MTMR1: variants seen among roughly 807,000 people sequenced by gnomAD.
MTMR1 encodes phosphatidylinositol-3-phosphate phosphatase MTMR1.
In MTMR1, 17 loss-of-function variants were observed where a neutral mutation model predicts 51.6. The observed-to-expected ratio is 0.33, with a 90% confidence interval of 0.23 to 0.49. MTMR1 has a LOEUF of 0.49. Among genes scored for constraint, MTMR1 ranks in the 20% least tolerant of loss-of-function variants. MTMR1 has a pLI of 0.99. For missense variants in MTMR1, 386 were observed against 526.9 expected (o/e 0.73, Z 2.62); for synonymous variants, 201 against 205.6 (o/e 0.98, Z 0.19).
At position 150,731,595 on chromosome X, in the gene MTMR1, T is replaced by C. The variant is rs782638619; in HGVS notation, c.867T>C (p.Ala289=). Residue 289 remains alanine, a synonymous_variant, in exon 9 of 16, where the codon GCT becomes GCC. Transcript: ENST00000445323. ...ATGATGACCTTTCAAAAGTGGCAGC[T>C]TTTCGAGCAAAAGGCAGAGTCCCTG... ...VKDDDLSKVA[A]FRAKGRVPVL... is the part of the protein sequence containing the mutation. 1.6e-5 allele frequency: 19 copies of C among 1,203,584 alleles called. No individual in the cohort carries two copies. Among genetic ancestry groups the C allele is most frequent in the Non-Finnish European group, 2.0e-5 (18 of 891,821 alleles).
chrX:150,725,875 C>T (rs1197962635), intron 4 of MTMR1, among the ~76,000 whole-genome samples: 1 of 112,013 alleles, frequency 8.9e-6, no homozygotes, highest in African/African-American at 3.3e-5. Flanking sequence ...GGCATACTAA[C>T]CTCTAACAAC....
intron 2 of MTMR1, among the ~76,000 whole-genome samples, chrX:150,709,083 T>C (rs1306672420): frequency 2.7e-5 from 3 of 112,311 alleles, no homozygotes; most frequent in Non-Finnish European, 5.6e-5. Flanking sequence ...ACTCCCCTCA[T>C]TTTATGTGTC....
intron 4 of MTMR1, among the ~76,000 whole-genome samples, chrX:150,720,414 A>G (rs1557416554): frequency 8.9e-6 from 1 of 112,480 alleles, no homozygotes; most frequent in Non-Finnish European, 1.9e-5. Context: ...AGCTTCTTCA[A>G]ATCAAATAAT....
chrX:150,741,164 A>T (rs2042413940), intron 12 of MTMR1, among the ~76,000 whole-genome samples: 1 of 112,067 alleles, frequency 8.9e-6, no homozygotes, highest in Non-Finnish European at 1.9e-5. Flanking sequence ...CCACAGTGTG[A>T]GTCCCTCAGC....
chrX:150,710,256 G>A (rs1439385766), intron 2 of MTMR1, among the ~76,000 whole-genome samples: 1 of 112,168 alleles, frequency 8.9e-6, no homozygotes, highest in African/African-American at 3.2e-5. Flanking sequence ...TTAACTGCTT[G>A]CTCTGCCACC....
chrX:150,748,181 A>G (rs914254922), intron 13 of MTMR1, among the ~76,000 whole-genome samples: 24 of 111,707 alleles, frequency 2.1e-4, no homozygotes, highest in Non-Finnish European at 4.1e-4. Context: ...CAAAGGCCCC[A>G]CTTCCTCATA....
At chrX:150,736,318 G>T in intron 10 of MTMR1, 1 of 245,379 alleles carries the variant, frequency 4.1e-6, no homozygotes, top group Non-Finnish European at 7.3e-6. Flanking sequence ...AGCCAAGGAA[G>T]GATCCTCCCC....
chrX:150,698,680 G>GCACACACA (rs1214335904), intron 1 of MTMR1, among the ~76,000 whole-genome samples: 675 of 62,932 alleles, frequency 0.011, 1 homozygote, highest in East Asian at 0.028. Context: ...ACACGCGCGC[G>GCACACACA]CACACACACA....
intron 6 of MTMR1, among the ~76,000 whole-genome samples, chrX:150,728,305 A>G (rs1245511596): frequency 8.9e-6 from 1 of 112,431 alleles, no homozygotes; most frequent in African/African-American, 3.2e-5. Context: ...CGAATCCTCC[A>G]ATGTGGAACC....
At chrX:150,699,852 A>G (rs1282221175) in intron 2 of MTMR1, among the ~76,000 whole-genome samples, 1 of 112,372 alleles carries the variant, frequency 8.9e-6, no homozygotes, top group African/African-American at 3.2e-5. Context: ...CCTTGTCAGC[A>G]GAGACTAGGG....
chrX:150,755,826 A>G lies in MTMR1; in HGVS notation c.1818A>G (p.Val606=), dbSNP rs2042890391. 1 of 1,204,817 alleles carries G rather than the reference A, an allele frequency of 8.3e-7. No individual in the cohort carries two copies. Among genetic ancestry groups the G allele is most frequent in the Non-Finnish European group, 1.1e-6 (1 of 893,264 alleles). The change falls in exon 15 of 16, where the codon GTA becomes GTG. Residue 606 remains valine (V), a synonymous_variant. Transcript: ENST00000445323. ...VASLSHLELW[V]NYYVRWNPRM... ...GTCTGAGTCATTTGGAATTGTGGGT[A>G]AATTATTATGTACGATGGAATCCAC...
chrX:150,703,201 A>C (rs193071465), intron 2 of MTMR1, among the ~76,000 whole-genome samples: 2 of 112,351 alleles, frequency 1.8e-5, no homozygotes, highest in Non-Finnish European at 3.8e-5. Flanking sequence ...GGAAAGTAGG[A>C]CTAGGTTATG....
intron 5 of MTMR1, 34 bp from the exon 6 acceptor site, chrX:150,727,650 A>G (rs1557416823): frequency 1.9e-6 from 2 of 1,035,527 alleles, no homozygotes. Context: ...GTTGACTGAC[A>G]CTAATAGGCA....
At chrX:150,751,723 T>C (rs782529722) in intron 14 of MTMR1, among the ~76,000 whole-genome samples, 4 of 109,577 alleles carry the variant, frequency 3.7e-5, no homozygotes, top group African/African-American at 6.6e-5. Flanking sequence ...CTCAGGGACC[T>C]AAATGCCTTT....
chrX:150,744,431 G>T lies in MTMR1; in HGVS notation c.1544G>T (p.Cys515Phe). 8.3e-7 allele frequency: 1 copy of T among 1,210,234 alleles called. No individual in the cohort carries two copies. Among genetic ancestry groups the T allele is most frequent in the East Asian group, 3.0e-5 (1 of 33,836 alleles). ...RSPIFLQFVD[C>F]VWQMTRQFPS... ...CCCATATTTCTGCAGTTTGTTGATT[G>T]TGTTTGGCAAATGACAAGGCAGGTG... is the stretch of plus-strand genomic sequence containing the variant. Residue 515 changes from cysteine to phenylalanine, a missense_variant, in exon 13 of 16, where the codon TGT (cysteine) becomes TTT (phenylalanine). Coordinates refer to ENST00000445323, the MANE Select transcript of MTMR1 (RefSeq NM_001306144.3).
In MTMR1 at chrX:150,750,601, A is replaced by T. The variant is rs2042699419; in HGVS notation, c.1567-129A>T. 2.1e-5 allele frequency: 9 copies of T among 436,412 alleles called. No individual in the cohort carries two copies. In the South Asian group the frequency reaches 3.5e-4, roughly 17 times the overall value. 36.0% of individuals were successfully genotyped at this position (436,412 alleles called of 1,213,427 possible). A position where few individuals can be genotyped will look rare whatever the true frequency, so the allele number is the denominator to read the frequency against. On this transcript the variant is annotated intron_variant, in intron 13 of 15. Coordinates refer to ENST00000445323, the MANE Select transcript of MTMR1 (RefSeq NM_001306144.3). ...AAAACTGTAGGTAGTTGAACTTTAC[A>T]TGGGCTCAGTCTTCCTTTAAATCTT... is the stretch of plus-strand genomic sequence containing the variant.
chrX:150,700,129 G>A (rs947346868), intron 2 of MTMR1, among the ~76,000 whole-genome samples: 1 of 112,343 alleles, frequency 8.9e-6, no homozygotes, highest in African/African-American at 3.2e-5. Context: ...TTTCACAAGT[G>A]TGTGTAAAAT....
At chrX:150,693,875 A>C (rs1253550174) in intron 1 of MTMR1, among the ~76,000 whole-genome samples, 199 bp downstream of exon 1, 3 of 102,767 alleles carry the variant, frequency 2.9e-5, no homozygotes, top group Non-Finnish European at 6.0e-5. Flanking sequence ...CTGCCCTCGG[A>C]CCTGCTGCGG....
chrX:150,739,014 ACTC>A (rs2042353594), intron 12 of MTMR1, among the ~76,000 whole-genome samples: 2 of 111,732 alleles, frequency 1.8e-5, no homozygotes, highest in South Asian at 7.4e-4. Flanking sequence ...GAATGGGAAT[ACTC>A]CTGAAGTCCC....
Sources: allele counts gnomAD v4.1 joint callset (sites outside exome capture counted in the v4.1 genomes callset), GRCh38; gene constraint gnomAD v4.1.1; transcripts MANE v1.5; gene names NCBI Gene and HGNC (gene_info 2026-07-23, HGNC 2026-07-21).